The following TMEM102 variants were observed in gnomAD, a reference collection of about 807,000 sequenced individuals.
The protein encoded by TMEM102 is transmembrane protein 102.
A neutral mutation model predicts 26.8 loss-of-function variants in TMEM102; 28 were observed. The ratio of observed to expected loss-of-function variants is 1.05; its 90% CI spans 0.77 to 1.43. The LOEUF is 1.43. Ranked by LOEUF, TMEM102 falls within the 40% of genes most tolerant of loss-of-function variation. The pLI, the probability that TMEM102 is intolerant of heterozygous loss-of-function variation, is 0.00. For missense variants in TMEM102, 677 were observed against 705.6 expected (o/e 0.96, Z 0.46); for synonymous variants, 306 against 332.1 (o/e 0.92, Z 0.86).
Position 7,437,132 on chromosome 17 carries a change from G to A in TMEM102, c.1153G>A (p.Ala385Thr). Reference sequence around the variant, plus strand: ...GCGCATACCAGCGCCGCTGCTGCAGGCGCACGCGGCGGCCCAGGCGCTACT... The same window carrying A: ...GCGCATACCAGCGCCGCTGCTGCAGACGCACGCGGCGGCCCAGGCGCTACT... ...KARIPAPLLQAHAAAQALLRP... is the reference protein window; with the variant it reads ...KARIPAPLLQTHAAAQALLRP... The change falls in exon 3 of 3, where the codon GCG (alanine) becomes ACG (threonine). Residue 385 changes from alanine to threonine, a missense_variant. Physicochemically the swap from Ala to Thr is moderately conservative, Grantham distance 58 (BLOSUM62 0). Transcript: ENST00000323206. The surrounding 1 kb of genome is among the most constrained non-coding windows in gnomAD (Gnocchi z 4.2). 1.4e-6 allele frequency: 2 copies of A among 1,458,340 alleles called. No homozygotes were observed. Among genetic ancestry groups the A allele is most frequent in the African/African-American group, 3.0e-5 (2 of 67,018 alleles). The allele number at this position is 1,458,340 out of a possible 1,614,324, so 90.3% of individuals were successfully genotyped here.
rs867311258 is a variant in TMEM102, at chr17:7,437,481, C to T, written c.1502C>T (p.Ala501Val). ...GTGGCCCGCAAGGGGGGCGGTTTGG[C>T]GGGCGTGGGGGGCGGGGCCCATTAA... Reference protein sequence around the residue: ...AKVARKGGGLAGVGGGAH With the variant: ...AKVARKGGGLVGVGGGAH Residue 501 changes from alanine to valine, a missense_variant, in exon 3 of 3, where the codon GCG (alanine) becomes GTG (valine). By Grantham distance (64) the Ala-to-Val change is moderately conservative. Coordinates refer to ENST00000323206, the MANE Select transcript of TMEM102 (RefSeq NM_178518.3). This position sits in a 1 kb window ranked among gnomAD's most constrained non-coding sequence, Gnocchi z 4.2. The T allele has an allele frequency of 1.4e-6, 2 of 1,388,124 alleles. No homozygotes were observed. Among genetic ancestry groups the T allele is most frequent in the South Asian group, 1.6e-5 (1 of 63,254 alleles). The allele number at this position is 1,388,124 out of a possible 1,614,324, so 86.0% of individuals were successfully genotyped here.
chr17:7,435,683 C>T lies in TMEM102; in HGVS notation c.-33C>T. The T allele has an allele frequency of 1.8e-6, 1 of 560,060 alleles. No individual in the cohort carries two copies. The highest frequency in any genetic ancestry group is 3.1e-6 in the Non-Finnish European group (1 of 319,280). 34.7% of individuals were successfully genotyped at this position (560,060 alleles called of 1,614,324 possible). A position where few individuals can be genotyped will look rare whatever the true frequency, so the allele number is the denominator to read the frequency against. On this transcript the variant is annotated 5_prime_UTR_variant, in exon 1 of 3. Transcript: ENST00000323206. ...CGGGGACCTGCCTATGAGAAAAGGG[C>T]CAGGATAGAAGAGGTATTTATTTGT...
In TMEM102 at chr17:7,436,995, C is replaced by T. The variant is rs1302586233; in HGVS notation, c.1016C>T (p.Pro339Leu). The T allele has an allele frequency of 6.3e-7, 1 of 1,599,142 alleles. No individual in the cohort carries two copies. The highest frequency in any genetic ancestry group is 8.5e-7 in the Non-Finnish European group (1 of 1,178,628). The change falls in exon 3 of 3, where the codon CCG becomes CTG. Residue 339 changes from proline to leucine, a missense_variant. Transcript: ENST00000323206. ...EGARSHSWAGPLASESASFYL... is the reference protein window; with the variant it reads ...EGARSHSWAGLLASESASFYL... ...GCTCGGAGCCACTCGTGGGCCGGTC[C>T]GCTGGCCTCTGAGTCGGCTTCCTTC...
chr17:7,437,579 C>T lies in TMEM102; in HGVS notation c.*73C>T. On this transcript the variant is annotated 3_prime_UTR_variant, in exon 3 of 3. Coordinates refer to ENST00000323206, the MANE Select transcript of TMEM102 (RefSeq NM_178518.3). The surrounding 1 kb of genome is among the most constrained non-coding windows in gnomAD (Gnocchi z 4.2). ...GTGGGGGGCCCTGCTCGCCCCTCGC[C>T]AGGGGGACTGACTGTGTGCCCTGGG... is the stretch of plus-strand genomic sequence containing the variant. 9.2e-7 allele frequency: 1 copy of T among 1,092,044 alleles called. No homozygotes were observed. Among genetic ancestry groups the T allele is most frequent in the Non-Finnish European group, 1.2e-6 (1 of 825,978 alleles). The allele number at this position is 1,092,044 out of a possible 1,614,324, so 67.6% of individuals were successfully genotyped here.
At position 7,437,628 on chromosome 17, in the gene TMEM102, C is replaced by A; in HGVS notation, c.*122C>A. On this transcript the variant is annotated 3_prime_UTR_variant, in exon 3 of 3. Transcript: ENST00000323206. This position sits in a 1 kb window ranked among gnomAD's most constrained non-coding sequence, Gnocchi z 4.2. ...GGCCTGAAGCCCCCCTTCTGGAAGACCTCCCTGTTGGTTCCTCCTCTACGC... is the reference window on the plus strand; with the variant it reads ...GGCCTGAAGCCCCCCTTCTGGAAGAACTCCCTGTTGGTTCCTCCTCTACGC... 1.4e-6 allele frequency: 1 copy of A among 721,472 alleles called. No individual in the cohort carries two copies. Among genetic ancestry groups the A allele is most frequent in the Non-Finnish European group, 2.0e-6 (1 of 499,946 alleles). 44.7% of individuals were successfully genotyped at this position (721,472 alleles called of 1,614,324 possible).
chr17:7,437,173 C>G lies in TMEM102; in HGVS notation c.1194C>G (p.Ala398=), dbSNP rs1442685152. The part of the protein sequence containing the change: ...AAQALLRPLV[A]GTRAAAPYLL... Reference sequence around the variant, plus strand: ...AGGCGCTACTGCGCCCGCTGGTGGCCGGGACCCGGGCGGCGGCGCCCTACC... The same window carrying G: ...AGGCGCTACTGCGCCCGCTGGTGGCGGGGACCCGGGCGGCGGCGCCCTACC... The change falls in exon 3 of 3, where the codon GCC becomes GCG. Residue 398 remains alanine (A), a synonymous_variant. Transcript: ENST00000323206. This position sits in a 1 kb window ranked among gnomAD's most constrained non-coding sequence, Gnocchi z 4.2. 2.7e-6 allele frequency: 4 copies of G among 1,486,664 alleles called. No homozygotes were observed. The highest frequency in any genetic ancestry group is 2.7e-6 in the Non-Finnish European group (3 of 1,127,248). 92.1% of individuals were successfully genotyped at this position (1,486,664 alleles called of 1,614,324 possible).
At chr17:7,436,153 G>A (rs1488918004) in intron 2 of TMEM102, 41 bp from the exon 3 acceptor site, 1 of 1,598,018 alleles carries the variant, frequency 6.3e-7, no homozygotes, top group Non-Finnish European at 8.6e-7. Flanking sequence ...CCCCCGCCCC[G>A]GCTTTGGGCG....
Position 7,436,699 on chromosome 17 carries a change from C to T in TMEM102, c.720C>T (p.Thr240=), listed in dbSNP as rs750355901. 4 of 1,613,824 alleles carry T rather than the reference C, an allele frequency of 2.5e-6. No individual in the cohort carries two copies. The highest frequency in any genetic ancestry group is 1.1e-5 in the South Asian group (1 of 91,092). ...APLKTMSSDV[T]KAAVESPVPK... The stretch of plus-strand genomic sequence containing the variant: ...TGAAAACAATGAGTAGTGACGTCAC[C>T]AAGGCAGCCGTCGAAAGCCCAGTCC... Residue 240 remains threonine, a synonymous_variant, in exon 3 of 3, where the codon ACC becomes ACT. Transcript: ENST00000323206.
chr17:7,437,179 C>A lies in TMEM102; in HGVS notation c.1200C>A (p.Thr400=). The part of the protein sequence containing the change: ...QALLRPLVAG[T]RAAAPYLLRT... ...TACTGCGCCCGCTGGTGGCCGGGAC[C>A]CGGGCGGCGGCGCCCTACCTCCTGC... is the stretch of plus-strand genomic sequence containing the variant. The change falls in exon 3 of 3, where the codon ACC becomes ACA. Residue 400 remains threonine, a synonymous_variant. Coordinates refer to ENST00000323206, the MANE Select transcript of TMEM102 (RefSeq NM_178518.3). The surrounding 1 kb of genome is among the most constrained non-coding windows in gnomAD (Gnocchi z 4.2). The A allele has an allele frequency of 6.7e-7, 1 of 1,491,286 alleles. No homozygotes were observed. The highest frequency in any genetic ancestry group is 8.9e-7 in the Non-Finnish European group (1 of 1,128,762). The allele number at this position is 1,491,286 out of a possible 1,614,324, so 92.4% of individuals were successfully genotyped here.
Position 7,437,458 on chromosome 17 carries a change from G to T in TMEM102, c.1479G>T (p.Val493=). Residue 493 remains valine (V), a synonymous_variant, in exon 3 of 3, where the codon GTG becomes GTT. Transcript: ENST00000323206. The surrounding 1 kb of genome is among the most constrained non-coding windows in gnomAD (Gnocchi z 4.2). Reference sequence around the variant, plus strand: ...GTGCCGCGGTGGAGGAGGCCAAAGTGGCCCGCAAGGGGGGCGGTTTGGCGG... The same window carrying T: ...GTGCCGCGGTGGAGGAGGCCAAAGTTGCCCGCAAGGGGGGCGGTTTGGCGG... ...ALRAAVEEAK[V]ARKGGGLAGV... The T allele has an allele frequency of 7.0e-7, 1 of 1,427,320 alleles. No homozygotes were observed. The highest frequency in any genetic ancestry group is 9.2e-7 in the Non-Finnish European group (1 of 1,090,742). 88.4% of individuals were successfully genotyped at this position (1,427,320 alleles called of 1,614,324 possible).
In TMEM102 at chr17:7,436,771, C is replaced by G. The variant is rs775889675; in HGVS notation, c.792C>G (p.Ala264=). 6.2e-7 allele frequency: 1 copy of G among 1,613,818 alleles called. No homozygotes were observed. Among genetic ancestry groups the G allele is most frequent in the Non-Finnish European group, 8.5e-7 (1 of 1,180,042 alleles). Residue 264 remains alanine, a synonymous_variant, in exon 3 of 3, where the codon GCC becomes GCG. Transcript: ENST00000323206. ...AREAWPTLCS[A]QVAAWFFATL... ...AAGCGTGGCCCACATTATGTTCCGC[C>G]CAGGTGGCTGCCTGGTTCTTTGCTA... is the stretch of plus-strand genomic sequence containing the variant.
chr17:7,436,545 C>G lies in TMEM102; in HGVS notation c.566C>G (p.Ser189Cys), dbSNP rs760445643. The change falls in exon 3 of 3, where the codon TCT becomes TGT. Residue 189 changes from serine (S) to cysteine (C), a missense_variant. Ser to Cys is a moderately radical substitution (Grantham distance 112). Coordinates refer to ENST00000323206, the MANE Select transcript of TMEM102 (RefSeq NM_178518.3). ...SEESSKDWQSSVDQPHSYVTE... is the reference protein window; with the variant it reads ...SEESSKDWQSCVDQPHSYVTE... ...GAAAGTTCCAAGGACTGGCAAAGCT[C>G]TGTAGACCAGCCGCACAGCTACGTC... The G allele has an allele frequency of 7.4e-6, 12 of 1,614,040 alleles. No individual in the cohort carries two copies. In the South Asian group the frequency reaches 1.2e-4, roughly 16 times the overall value.
rs754111817 is a variant in TMEM102 at position 7,436,859 on chromosome 17, G to A, written c.880G>A (p.Ala294Thr). 6.2e-6 allele frequency: 10 copies of A among 1,612,168 alleles called. No homozygotes were observed. In the African/African-American group the frequency reaches 1.2e-4, roughly 19 times the overall value. Reference sequence around the variant, plus strand: ...GGGTGCTCCGCGTCTGGTGCACGCAGCTCGCCACGCGGGTTTCACCACCGT... The same window carrying A: ...GGGTGCTCCGCGTCTGGTGCACGCAACTCGCCACGCGGGTTTCACCACCGT... ...VPGAPRLVHA[A>T]RHAGFTTVLL... is the part of the protein sequence containing the mutation. The change falls in exon 3 of 3, where the codon GCT becomes ACT. Residue 294 changes from alanine to threonine, a missense_variant. Coordinates refer to ENST00000323206, the MANE Select transcript of TMEM102 (RefSeq NM_178518.3).
Position 7,437,251 on chromosome 17 carries a change from G to A in TMEM102, c.1272G>A (p.Leu424=), listed in dbSNP as rs112226105. The A allele has an allele frequency of 1.3e-6, 2 of 1,528,462 alleles. No individual in the cohort carries two copies. Among genetic ancestry groups the A allele is most frequent in the Admixed American group, 4.3e-5 (2 of 46,968 alleles). 94.7% of individuals were successfully genotyped at this position (1,528,462 alleles called of 1,614,324 possible). Reference sequence around the variant, plus strand: ...GCGAGCGGCTGCCTGCGCTCTACCTGGCGCGGCCAGAAAATGCGGGCGCCT... The same window carrying A: ...GCGAGCGGCTGCCTGCGCTCTACCTAGCGCGGCCAGAAAATGCGGGCGCCT... ...WACERLPALY[L]ARPENAGACC... Residue 424 remains leucine, a synonymous_variant, in exon 3 of 3, where the codon CTG becomes CTA. Transcript: ENST00000323206. This position sits in a 1 kb window ranked among gnomAD's most constrained non-coding sequence, Gnocchi z 4.2.
Position 7,437,023 on chromosome 17 carries a change from C to A in TMEM102, c.1044C>A (p.Tyr348Ter). Reference protein sequence around the residue: ...GPLASESASFYLVPGGGTERP... With the variant: ...GPLASESASF ...TGGCCTCTGAGTCGGCTTCCTTCTA[C>A]CTGGTGCCCGGTGGCGGCACCGAGC... Residue 348 changes from tyrosine (Y) to a stop codon, truncating the protein, a stop_gained, in exon 3 of 3, where the codon TAC (tyrosine) becomes TAA (stop). Transcript: ENST00000323206. LOFTEE classifies it high-confidence loss of function. This position sits in a 1 kb window ranked among gnomAD's most constrained non-coding sequence, Gnocchi z 4.2. 6.3e-7 allele frequency: 1 copy of A among 1,593,936 alleles called. No individual in the cohort carries two copies. The highest frequency in any genetic ancestry group is 8.5e-7 in the Non-Finnish European group (1 of 1,176,782).
At position 7,436,754 on chromosome 17, in the gene TMEM102, C is replaced by A. The variant is rs1195137486; in HGVS notation, c.775C>A (p.Pro259Thr). The A allele has an allele frequency of 6.2e-7, 1 of 1,613,868 alleles. No individual in the cohort carries two copies. Among genetic ancestry groups the A allele is most frequent in the African/African-American group, 1.3e-5 (1 of 75,074 alleles). The change falls in exon 3 of 3, where the codon CCC becomes ACC. Residue 259 changes from proline (P) to threonine (T), a missense_variant. Physicochemically the swap from Pro to Thr is conservative, Grantham distance 38. Transcript: ENST00000323206. ...PKPSEAREAW[P>T]TLCSAQVAAW... ...GCCGTCGGAGGCTCGGGAAGCGTGG[C>A]CCACATTATGTTCCGCCCAGGTGGC...
intron 2 of TMEM102, 51 bp downstream of exon 2, chr17:7,436,136 GC>G: frequency 6.3e-7 from 1 of 1,599,620 alleles, no homozygotes; most frequent in Non-Finnish European, 8.5e-7. Context: ...GCCTCACCAC[GC>G]CCCCGCCCCC....
Position 7,437,383 on chromosome 17 carries a change from G to A in TMEM102, c.1404G>A (p.Ala468=). 6.4e-7 allele frequency: 1 copy of A among 1,556,258 alleles called. No homozygotes were observed. The highest frequency in any genetic ancestry group is 8.7e-7 in the Non-Finnish European group (1 of 1,152,608). The change falls in exon 3 of 3, where the codon GCG becomes GCA. Residue 468 remains alanine, a synonymous_variant. Transcript: ENST00000323206. This position sits in a 1 kb window ranked among gnomAD's most constrained non-coding sequence, Gnocchi z 4.2. ...RQLRTGDDSA[A]LLGELARLRG... ...TCCGTACGGGGGACGACTCCGCTGC[G>A]CTGCTCGGAGAATTGGCCCGGCTCC...
Position 7,436,403 on chromosome 17 carries a change from G to A in TMEM102, c.424G>A (p.Ala142Thr), listed in dbSNP as rs1284087945. The change falls in exon 3 of 3, where the codon GCA becomes ACA. Residue 142 changes from alanine (A) to threonine (T), a missense_variant. Coordinates refer to ENST00000323206, the MANE Select transcript of TMEM102 (RefSeq NM_178518.3). ...GCAACTGGACCTGGAATCCTGTTACGCACAGGTCTGCCTCCCAGAGATGGT... is the reference window on the plus strand; with the variant it reads ...GCAACTGGACCTGGAATCCTGTTACACACAGGTCTGCCTCCCAGAGATGGT... The part of the protein sequence containing the change: ...ELQLDLESCY[A>T]QVCLPEMVCG... The A allele has an allele frequency of 6.2e-7, 1 of 1,613,734 alleles. No individual in the cohort carries two copies. Among genetic ancestry groups the A allele is most frequent in the East Asian group, 2.2e-5 (1 of 44,896 alleles).
Sources: allele counts gnomAD v4.1 joint callset, GRCh38; gene constraint gnomAD v4.1.1; non-coding constraint Gnocchi (gnomAD v3.1); transcripts MANE v1.5; gene names NCBI Gene and HGNC (gene_info 2026-07-23, HGNC 2026-07-21).